Variants in CELF2 observed in about 807,000 individuals in gnomAD.
The protein encoded by CELF2 is CUGBP Elav-like family member 2.
Under a neutral mutation model 62.6 loss-of-function variants are expected in CELF2, and 8 were observed. The observed-to-expected ratio is 0.13, with a 90% CI of 0.07 to 0.23. The LOEUF is 0.23. CELF2 is among the 10% of genes least tolerant of loss of function. The pLI is 1.00. For missense variants in CELF2, 333 were observed against 671.0 expected (o/e 0.50, Z 5.56); for synonymous variants, 258 against 250.0 (o/e 1.03, Z -0.30).
rs561242007 is a variant in CELF2 at position 10,978,044 on chromosome 10, T to G, written c.89+58045T>G. ...TTTGGGTTTTTTTTTGTTTTTTGTT[T>G]TTTTTTTTCCAGAGAAAGATGGTTA... On this transcript the variant is annotated intron_variant, in intron 2 of 13. Transcript: ENST00000636488. 8.1e-4 allele frequency among the ~76,000 whole-genome samples: 122 copies of G among 151,396 alleles called. 2 individuals carry two copies. Among genetic ancestry groups the G allele is most frequent in the African/African-American group, 2.1e-3 (88 of 41,362 alleles).
At chr10:11,279,036 T>G (rs186610672) in intron 8 of CELF2, among the ~76,000 whole-genome samples, 67 of 152,214 alleles carry the variant, frequency 4.4e-4, no homozygotes, top group Middle Eastern at 6.8e-3. Context: ...ACTTCAGAGG[T>G]GGTAACAGGA....
At chr10:10,964,821 A>G (rs1442772183) in intron 2 of CELF2, among the ~76,000 whole-genome samples, 3 of 152,228 alleles carry the variant, frequency 2.0e-5, no homozygotes, top group Non-Finnish European at 4.4e-5. Flanking sequence ...TAACTTTTAT[A>G]TAACATTTTA....
the CELF2 span, among the ~76,000 whole-genome samples, chr10:10,679,266 G>A: frequency 6.6e-6 from 1 of 152,072 alleles, no homozygotes; most frequent in Admixed American, 6.6e-5. Context: ...TAAGACTAAG[G>A]ACAAAATGGT....
At chr10:11,085,747 C>T (rs2046530859) in intron 1 of CELF2, among the ~76,000 whole-genome samples, 1 of 152,190 alleles carries the variant, frequency 6.6e-6, no homozygotes, top group Non-Finnish European at 1.5e-5. Flanking sequence ...CCCCATCTGC[C>T]TTGTGTCAGA....
chr10:10,694,782 C>G, the CELF2 span, among the ~76,000 whole-genome samples: 1 of 151,708 alleles, frequency 6.6e-6, no homozygotes, highest in East Asian at 1.9e-4. Context: ...TTCTTTGTCT[C>G]TTTTGATCTT....
upstream of CELF2, chr10:11,005,181 T>G: frequency 1.4e-6 from 2 of 1,433,984 alleles, no homozygotes; most frequent in Non-Finnish European, 9.1e-7. This position sits in a 1 kb window ranked among gnomAD's most constrained non-coding sequence, Gnocchi z 4.3. Context: ...TTCTACTTAG[T>G]GAATCTGCAG....
intron 1 of CELF2, among the ~76,000 whole-genome samples, chr10:11,163,155 A>G (rs1403526173): frequency 6.6e-6 from 1 of 152,266 alleles, no homozygotes; most frequent in Non-Finnish European, 1.5e-5. Context: ...TTGCAGAAGC[A>G]TTGAAGACTG....
intron 1 of CELF2, among the ~76,000 whole-genome samples, chr10:10,909,317 C>T (rs1312200977): frequency 2.0e-5 from 3 of 152,172 alleles, no homozygotes; most frequent in African/African-American, 7.2e-5. Context: ...TGGTTTGTGT[C>T]CCTCAGAACC....
chr10:10,821,443 T>C (rs935508018), intron 1 of CELF2, among the ~76,000 whole-genome samples: 16 of 152,218 alleles, frequency 1.1e-4, no homozygotes, highest in Non-Finnish European at 2.4e-4. Context: ...TGCCTCTCCC[T>C]GCCATGTGTA....
At chr10:10,748,747 C>CAA in the CELF2 span, among the ~76,000 whole-genome samples, 217 of 36,950 alleles carry the variant, frequency 5.9e-3, 6 homozygotes, top group East Asian at 0.013. Context: ...GACTCTGTCT[C>CAA]AAAAAAAAAA....
chr10:10,886,351 C>G (rs961810841), intron 1 of CELF2, among the ~76,000 whole-genome samples: 9 of 152,128 alleles, frequency 5.9e-5, no homozygotes, highest in Admixed American at 3.9e-4. Context: ...AATATAACAG[C>G]CTTTCATAAA....
At chr10:10,588,690 C>T in the CELF2 span, among the ~76,000 whole-genome samples, 1 of 152,194 alleles carries the variant, frequency 6.6e-6, no homozygotes, top group African/African-American at 2.4e-5. Flanking sequence ...ATGAGATTTA[C>T]ATTTTTACCA....
At chr10:10,944,611 T>G (rs543330467) in intron 2 of CELF2, among the ~76,000 whole-genome samples, 1 of 147,768 alleles carries the variant, frequency 6.8e-6, no homozygotes, top group East Asian at 2.0e-4. Context: ...TTTTCTTTTG[T>G]TTTTTTTTGT....
At chr10:10,738,615 C>T in the CELF2 span, among the ~76,000 whole-genome samples, 7 of 152,094 alleles carry the variant, frequency 4.6e-5, no homozygotes, top group African/African-American at 1.2e-4. Context: ...ACATACAACC[C>T]GAGGTTTTGA....
At chr10:10,519,662 A>C in the CELF2 span, among the ~76,000 whole-genome samples, 1 of 152,144 alleles carries the variant, frequency 6.6e-6, no homozygotes, top group African/African-American at 2.4e-5. Flanking sequence ...GTTTATGAAA[A>C]CCACCTCCCA....
Position 11,280,414 on chromosome 10 carries a change from C to T in CELF2, c.841+5294C>T, listed in dbSNP as rs1475669616. On this transcript the variant is annotated intron_variant, in intron 8 of 12. Coordinates refer to ENST00000633077, the MANE Select transcript of CELF2 (RefSeq NM_001326342.2). This position sits in a 1 kb window ranked among gnomAD's most constrained non-coding sequence, Gnocchi z 7.6. ...TCCGCACATCAGGCCAGTGCCTTTCCCCAAAACCGTTTCTCCCCCGCATAG... is the reference window on the plus strand; with the variant it reads ...TCCGCACATCAGGCCAGTGCCTTTCTCCAAAACCGTTTCTCCCCCGCATAG... Among the ~76,000 whole-genome samples the T allele has an allele frequency of 6.6e-6, 1 of 152,206 alleles. No individual in the cohort carries two copies. The highest frequency in any genetic ancestry group is 6.5e-5 in the Admixed American group (1 of 15,288).
the CELF2 span, among the ~76,000 whole-genome samples, chr10:10,592,868 T>C: frequency 6.6e-6 from 1 of 152,034 alleles, no homozygotes; most frequent in South Asian, 2.1e-4. Flanking sequence ...GAACAAGACA[T>C]TTGGAAGCGT....
chr10:11,196,344 T>C (rs2057470966), intron 2 of CELF2, among the ~76,000 whole-genome samples: 1 of 152,230 alleles, frequency 6.6e-6, no homozygotes, highest in Non-Finnish European at 1.5e-5. Flanking sequence ...ATAACTTACA[T>C]TGGCATAGAA....
At chr10:11,278,001 T>G (rs987799577) in intron 8 of CELF2, among the ~76,000 whole-genome samples, 1 of 152,264 alleles carries the variant, frequency 6.6e-6, no homozygotes, top group Non-Finnish European at 1.5e-5. Context: ...GAATAATATT[T>G]TGTTGTGAAC....
Sources: gnomAD v4.1 joint callset for allele counts (sites outside exome capture counted in the v4.1 genomes callset) on GRCh38, gnomAD v4.1.1 for gene constraint, Gnocchi (gnomAD v3.1) non-coding constraint, MANE v1.5 for transcripts, NCBI Gene and HGNC (gene_info 2026-07-23, HGNC 2026-07-21) for gene names.